The following CNTNAP2 variants were observed in gnomAD, a reference collection of about 807,000 sequenced individuals.
CNTNAP2 encodes the protein contactin-associated protein-like 2.
CNTNAP2 carries 98 observed loss-of-function variants against 155.2 expected under a neutral mutation model. The ratio of observed to expected loss-of-function variants is 0.63; its 90% CI spans 0.54 to 0.75. The LOEUF (loss-of-function observed/expected upper bound fraction) is 0.75. Ranked by LOEUF, CNTNAP2 falls within the 30% of genes least tolerant of loss-of-function variation. CNTNAP2 has a pLI of 0.00. For missense variants in CNTNAP2, 1,727 were observed against 1,688.1 expected, an observed-to-expected ratio of 1.02 and a Z score of -0.40; for synonymous variants, 651 against 631.2, an observed-to-expected ratio of 1.03 and a Z score of -0.47.
intron 3 of CNTNAP2, among the ~76,000 whole-genome samples, chr7:146,849,441 C>A (rs1794830039): frequency 6.6e-6 from 1 of 152,082 alleles, no homozygotes; most frequent in Non-Finnish European, 1.5e-5. Context: ...ATAATGAACC[C>A]CTGCTCATTT....
chr7:147,206,283 G>T (rs1283729511), intron 8 of CNTNAP2, among the ~76,000 whole-genome samples: 1 of 150,236 alleles, frequency 6.7e-6, no homozygotes. Context: ...AAAAAAGTAG[G>T]ACCAGGCACA....
intron 1 of CNTNAP2, among the ~76,000 whole-genome samples, chr7:146,724,504 ATTCCAGTTCAG>A (rs940646839): frequency 6.9e-6 from 1 of 144,518 alleles, no homozygotes; most frequent in African/African-American, 2.5e-5. Context: ...ACTTTGTAAG[ATTCCAGTTCAG>A]TGCCTGATGA....
At chr7:147,743,921 C>T (rs547546611) in intron 13 of CNTNAP2, among the ~76,000 whole-genome samples, 9 of 152,222 alleles carry the variant, frequency 5.9e-5, no homozygotes, top group Admixed American at 2.6e-4. Context: ...CTTCTAGTTT[C>T]GAAACCCACC....
intron 4 of CNTNAP2, among the ~76,000 whole-genome samples, chr7:147,046,591 G>A (rs1462888826): frequency 6.6e-6 from 1 of 152,084 alleles, no homozygotes; most frequent in Non-Finnish European, 1.5e-5. Flanking sequence ...ATAGACTTGG[G>A]GGGGTAATAA....
chr7:146,684,871 A>G (rs1387466169), intron 1 of CNTNAP2, among the ~76,000 whole-genome samples: 1 of 152,158 alleles, frequency 6.6e-6, no homozygotes, highest in Admixed American at 6.6e-5. Flanking sequence ...CCTTGATAAC[A>G]TATGTCCCTA....
chr7:146,956,571 T>C (rs148349101), intron 3 of CNTNAP2, among the ~76,000 whole-genome samples: 240 of 152,296 alleles, frequency 1.6e-3, no homozygotes, highest in African/African-American at 5.5e-3. Context: ...ATTTTAAATA[T>C]ACTCTCTGTG....
intron 1 of CNTNAP2, among the ~76,000 whole-genome samples, chr7:146,582,560 A>C (rs1798627594): frequency 6.6e-6 from 1 of 152,186 alleles, no homozygotes; most frequent in Non-Finnish European, 1.5e-5. Context: ...TCACAAGGTC[A>C]GACACTTGGA....
At chr7:146,172,825 T>G (rs1377344561) in intron 1 of CNTNAP2, among the ~76,000 whole-genome samples, 1 of 152,158 alleles carries the variant, frequency 6.6e-6, no homozygotes, top group African/African-American at 2.4e-5. Flanking sequence ...AATACAGACA[T>G]GCAAGATATT....
chr7:146,527,852 C>A (rs1283619315), intron 1 of CNTNAP2, among the ~76,000 whole-genome samples: 1 of 150,026 alleles, frequency 6.7e-6, no homozygotes, highest in Admixed American at 6.6e-5. Context: ...AGTTTTATTT[C>A]CACAGGAGTA....
At chr7:146,817,689 C>G (rs557248868) in intron 2 of CNTNAP2, among the ~76,000 whole-genome samples, 2 of 152,052 alleles carry the variant, frequency 1.3e-5, no homozygotes, top group African/African-American at 4.8e-5. Context: ...AGATGCTACT[C>G]ACTTTTAAAC....
At chr7:147,150,423 G>A (rs970640533) in intron 8 of CNTNAP2, among the ~76,000 whole-genome samples, 1 of 152,044 alleles carries the variant, frequency 6.6e-6, no homozygotes, top group East Asian at 1.9e-4. Context: ...GTAGAGTAGA[G>A]TATAGTTCAG....
intron 20 of CNTNAP2, among the ~76,000 whole-genome samples, chr7:148,246,034 G>C (rs1392051499): frequency 6.6e-6 from 1 of 152,192 alleles, no homozygotes. Flanking sequence ...TGGCAGAACT[G>C]GTCGTTAAAT....
intron 13 of CNTNAP2, among the ~76,000 whole-genome samples, chr7:147,752,680 G>A (rs1422261822): frequency 2.6e-5 from 4 of 152,146 alleles, no homozygotes; most frequent in Non-Finnish European, 4.4e-5. Context: ...TGGTCGCTGA[G>A]GTCAGTTTTC....
intron 1 of CNTNAP2, among the ~76,000 whole-genome samples, chr7:146,394,246 A>T (rs914768795): frequency 1.2e-4 from 18 of 152,150 alleles, no homozygotes; most frequent in African/African-American, 3.6e-4. Flanking sequence ...GAGACCTGCT[A>T]TGGAAATAGT....
At chr7:146,365,540 C>A (rs1795142895) in intron 1 of CNTNAP2, among the ~76,000 whole-genome samples, 1 of 152,110 alleles carries the variant, frequency 6.6e-6, no homozygotes, top group South Asian at 2.1e-4. Context: ...ATGAATCTTA[C>A]CTTATCAAAA....
intron 17 of CNTNAP2, among the ~76,000 whole-genome samples, chr7:148,168,777 A>G (rs2972110): frequency 0.39 from 58,731 of 152,122 alleles, 12,955 homozygotes; most frequent in African/African-American, 0.62. Context: ...CAAACTCTCA[A>G]TCATTGCTGA....
intron 1 of CNTNAP2, among the ~76,000 whole-genome samples, chr7:146,329,089 A>T (rs77027036): frequency 1.3e-5 from 2 of 151,970 alleles, no homozygotes; most frequent in Non-Finnish European, 2.9e-5. Flanking sequence ...TTTATTTTTC[A>T]TTTTTAAGAA....
chr7:146,796,023 TTAAAA>T (rs1802762308), intron 2 of CNTNAP2, among the ~76,000 whole-genome samples: 1 of 152,142 alleles, frequency 6.6e-6, no homozygotes, highest in African/African-American at 2.4e-5. Context: ...ATAATGTTGA[TTAAAA>T]TAAGTCATAG....
intron 11 of CNTNAP2, among the ~76,000 whole-genome samples, chr7:147,550,699 A>C (rs1449186460): frequency 6.6e-6 from 1 of 152,184 alleles, no homozygotes; most frequent in Non-Finnish European, 1.5e-5. Flanking sequence ...CTGGCCACTG[A>C]GGAAAGACAA....
Sources: allele counts gnomAD v4.1 joint callset (sites outside exome capture counted in the v4.1 genomes callset), GRCh38; gene constraint gnomAD v4.1.1; transcripts MANE v1.5; gene names NCBI Gene and HGNC (gene_info 2026-07-23, HGNC 2026-07-21).